The following AREL1 variants were observed in gnomAD, a reference collection of about 807,000 sequenced individuals.
The protein encoded by AREL1 is apoptosis resistant E3 ubiquitin protein ligase 1, also known as apoptosis-resistant E3 ubiquitin protein ligase 1.
In AREL1, 62 loss-of-function variants were observed where a neutral mutation model predicts 99.0. That is an observed-to-expected ratio of 0.63 (90% confidence interval 0.51 to 0.77). The LOEUF is 0.77. Among genes scored for constraint, AREL1 ranks in the 30% least tolerant of loss-of-function variants. AREL1 has a pLI of 0.00. For missense variants in AREL1, 879 were observed against 1,027.6 expected (o/e 0.86, Z 1.98); for synonymous variants, 380 against 376.5 (o/e 1.01, Z -0.11).
intron 3 of AREL1, 36 bp downstream of exon 3, chr14:74,685,564 A>G (rs1270475278): frequency 1.9e-6 from 3 of 1,612,902 alleles, no homozygotes; most frequent in Non-Finnish European, 2.5e-6. Flanking sequence ...CAACCTTTAC[A>G]AAAATATAAT....
chr14:74,686,943 C>A (rs1948400703), intron 2 of AREL1, among the ~76,000 whole-genome samples: 1 of 152,170 alleles, frequency 6.6e-6, no homozygotes, highest in South Asian at 2.1e-4. Flanking sequence ...CCTTCCCAAA[C>A]AAGTATCTCA....
At chr14:74,685,518 G>A in intron 3 of AREL1, 82 bp downstream of exon 3, 1 of 1,499,880 alleles carries the variant, frequency 6.7e-7, no homozygotes, top group Non-Finnish European at 9.2e-7. Flanking sequence ...ATTTTCAAAG[G>A]GAAAAGAATA....
chr14:74,697,301 T>C (rs1042893269), intron 1 of AREL1, among the ~76,000 whole-genome samples: 2 of 152,154 alleles, frequency 1.3e-5, no homozygotes, highest in Non-Finnish European at 2.9e-5. Context: ...AAGAAAGACG[T>C]TTGTTTTGTA....
At position 74,661,569 on chromosome 14, in the gene AREL1, C is replaced by T. The variant is rs941853020; in HGVS notation, c.*2151G>A. The T allele has an allele frequency of 1.3e-5, 3 of 224,832 alleles. No homozygotes were observed. The highest frequency in any genetic ancestry group is 2.7e-5 in the Non-Finnish European group (3 of 109,804). The allele number at this position is 224,832 out of a possible 1,614,324, so 13.9% of individuals were successfully genotyped here. On this transcript the variant is annotated 3_prime_UTR_variant, in exon 20 of 20. Transcript: ENST00000356357. ...CTCTCATCTCTTTGACATATTGTACCTTTTCCCCACACTGGCTAGTATGAA... is the reference window on the plus strand; with the variant it reads ...CTCTCATCTCTTTGACATATTGTACTTTTTCCCCACACTGGCTAGTATGAA...
intron 2 of AREL1, among the ~76,000 whole-genome samples, chr14:74,687,576 C>T (rs1206871754): frequency 6.6e-6 from 1 of 152,124 alleles, no homozygotes; most frequent in Non-Finnish European, 1.5e-5. Flanking sequence ...GTTAGATTAC[C>T]TGGCTTCAAA....
Position 74,664,043 on chromosome 14 carries a change from C to G in AREL1, c.2225G>C (p.Ser742Thr). Residue 742 changes from serine to threonine, a missense_variant, in exon 19 of 20, where the codon AGT (serine) becomes ACT (threonine). Ser to Thr is a moderately conservative substitution (Grantham distance 58). Transcript: ENST00000356357. Reference protein sequence around the residue: ...VMRWFWTVVSSLTQEELARLL... With the variant: ...VMRWFWTVVSTLTQEELARLL... ...CCGAGCCAACTCCTCCTGGGTCAGA[C>G]TGGAAACCACAGTCCAAAACCACCT... 1.2e-6 allele frequency: 2 copies of G among 1,614,022 alleles called. No homozygotes were observed. The highest frequency in any genetic ancestry group is 1.7e-6 in the Non-Finnish European group (2 of 1,179,958).
At chr14:74,675,045 T>C (rs868029424) in intron 8 of AREL1, among the ~76,000 whole-genome samples, 15 of 152,188 alleles carry the variant, frequency 9.9e-5, no homozygotes, top group African/African-American at 3.6e-4. Flanking sequence ...AAAAAAAGTT[T>C]AAAGAAAATT....
chr14:74,671,707 C>T (rs1207348897), intron 11 of AREL1, among the ~76,000 whole-genome samples: 1 of 152,202 alleles, frequency 6.6e-6, no homozygotes, highest in Non-Finnish European at 1.5e-5. Context: ...TTTACATCAT[C>T]ACTTTGTTGG....
At chr14:74,708,701 T>C (rs539495003) in intron 1 of AREL1, among the ~76,000 whole-genome samples, 12 of 152,344 alleles carry the variant, frequency 7.9e-5, no homozygotes, top group Middle Eastern at 3.4e-3. Flanking sequence ...CAAGCTGCAC[T>C]GAAATAAATG....
intron 5 of AREL1, among the ~76,000 whole-genome samples, chr14:74,681,703 G>A (rs2089632018): frequency 6.6e-6 from 1 of 151,698 alleles, no homozygotes; most frequent in Non-Finnish European, 1.5e-5. Flanking sequence ...CAGGGAGTTG[G>A]AGGTTGCAGT....
chr14:74,691,278 C>T (rs1423623922), intron 2 of AREL1: 4 of 140,608 alleles, frequency 2.8e-5, no homozygotes. Flanking sequence ...CATGATTGTG[C>T]TACTGCACTC....
chr14:74,669,803 A>G, intron 14 of AREL1, 29 bp from the exon 15 acceptor site: 1 of 1,612,906 alleles, frequency 6.2e-7, no homozygotes, highest in South Asian at 1.1e-5. Context: ...ACAGAACAGA[A>G]CATGAATACT....
At chr14:74,670,983 G>A (rs548268009) in intron 12 of AREL1, 112 bp from the exon 13 acceptor site, 24 of 777,558 alleles carry the variant, frequency 3.1e-5, no homozygotes, top group Non-Finnish European at 4.8e-5. Flanking sequence ...TACTACTCTG[G>A]TGTTTCTCCG....
At chr14:74,671,008 A>G (rs547412292) in intron 12 of AREL1, 137 bp from the exon 13 acceptor site, 1 of 663,556 alleles carries the variant, frequency 1.5e-6, no homozygotes, top group East Asian at 2.8e-5. Context: ...GACTCATCTA[A>G]ACTGTGGTCC....
At chr14:74,677,713 G>A (rs1044343092) in intron 5 of AREL1, among the ~76,000 whole-genome samples, 1 of 151,244 alleles carries the variant, frequency 6.6e-6, no homozygotes, top group Non-Finnish European at 1.5e-5. Context: ...ATATTGGCCA[G>A]GCTGGTCTCA....
intron 17 of AREL1, among the ~76,000 whole-genome samples, chr14:74,665,269 TC>T (rs1382697319): frequency 2.0e-5 from 3 of 151,404 alleles, no homozygotes. Context: ...TTCTTTCTTT[TC>T]TTTTTTTTTT....
At chr14:74,671,321 CTTTTTTTT>C in intron 12 of AREL1, 79 bp downstream of exon 12, 1 of 123,262 alleles carries the variant, frequency 8.1e-6, no homozygotes. Flanking sequence ...GTAAGAGTTG[CTTTTTTTT>C]TTTTTTTTTT....
At position 74,685,655 on chromosome 14, in the gene AREL1, C is replaced by G; in HGVS notation, c.-40G>C. On this transcript the variant is annotated 5_prime_UTR_variant, in exon 3 of 20. Coordinates refer to ENST00000356357, the MANE Select transcript of AREL1 (RefSeq NM_001039479.2). The stretch of plus-strand genomic sequence containing the variant: ...GCCAACAGACAGCCGAGGATCACAG[C>G]TGCAGCTGTTAAAAGAAAACTTGTT... 6.2e-7 allele frequency: 1 copy of G among 1,613,656 alleles called. No individual in the cohort carries two copies. Among genetic ancestry groups the G allele is most frequent in the East Asian group, 2.2e-5 (1 of 44,858 alleles).
intron 2 of AREL1, among the ~76,000 whole-genome samples, chr14:74,686,808 A>G (rs375304451): frequency 2.7e-4 from 41 of 152,320 alleles, no homozygotes; most frequent in African/African-American, 9.1e-4. Flanking sequence ...GATTATCTAA[A>G]GTCCTACTAG....
Sources: gnomAD v4.1 joint callset for allele counts (sites outside exome capture counted in the v4.1 genomes callset) on GRCh38, gnomAD v4.1.1 for gene constraint, MANE v1.5 for transcripts, NCBI Gene and HGNC (gene_info 2026-07-23, HGNC 2026-07-21) for gene names.